Variants in ZCCHC4 observed in about 807,000 individuals in gnomAD.
ZCCHC4 encodes rRNA N(6)-adenosine-methyltransferase ZCCHC4.
In ZCCHC4, 54 loss-of-function variants were observed where a neutral mutation model predicts 67.7. That is an observed-to-expected ratio of 0.80 (90% CI 0.64 to 1.00). ZCCHC4 has a LOEUF of 1.00. ZCCHC4 is among the 50% of genes least tolerant of loss of function. The pLI is 0.00. For missense variants in ZCCHC4, 609 were observed against 617.0 expected (o/e 0.99, Z 0.14); for synonymous variants, 198 against 213.5 (o/e 0.93, Z 0.63).
At chr4:25,319,241 T>TG (rs1460150072) in intron 3 of ZCCHC4, among the ~76,000 whole-genome samples, 2 of 151,630 alleles carry the variant, frequency 1.3e-5, no homozygotes, top group African/African-American at 4.8e-5. Flanking sequence ...TAAAATTAGC[T>TG]GGGCGTGGTG....
At chr4:25,334,960 C>T (rs1414583500) in intron 5 of ZCCHC4, among the ~76,000 whole-genome samples, 2 of 152,026 alleles carry the variant, frequency 1.3e-5, no homozygotes, top group African/African-American at 4.8e-5. Context: ...ACCTCAGTCC[C>T]CCTAGTAGCT....
chr4:25,330,684 C>G (rs1379981512), intron 3 of ZCCHC4, among the ~76,000 whole-genome samples: 1 of 152,192 alleles, frequency 6.6e-6, no homozygotes, highest in Non-Finnish European at 1.5e-5. Flanking sequence ...ACTGAGCAAC[C>G]TTTCGTGGTT....
intron 12 of ZCCHC4, 173 bp downstream of exon 12, chr4:25,365,339 G>A: frequency 7.1e-7 from 1 of 1,401,990 alleles, no homozygotes; most frequent in Admixed American, 3.0e-5. Context: ...GATTCAAAGA[G>A]CTTGCTTTCA....
intron 2 of ZCCHC4, among the ~76,000 whole-genome samples, chr4:25,314,965 T>C (rs530052565): frequency 3.3e-5 from 5 of 152,352 alleles, no homozygotes; most frequent in African/African-American, 1.2e-4. Context: ...AGTTGAAGTT[T>C]CTGAAAACTT....
intron 3 of ZCCHC4, among the ~76,000 whole-genome samples, chr4:25,324,014 G>GTTTTTTTTTTTT (rs71188998): frequency 0.02 from 1,641 of 82,284 alleles, 250 homozygotes; most frequent in African/African-American, 0.052. Context: ...TGTTTTTTGT[G>GTTTTTTTTTTTT]TTTTTTTTTT....
At chr4:25,329,517 G>A (rs939531948) in intron 3 of ZCCHC4, among the ~76,000 whole-genome samples, 3 of 141,012 alleles carry the variant, frequency 2.1e-5, no homozygotes, top group Non-Finnish European at 4.6e-5. Flanking sequence ...TGTAGATTTC[G>A]TCTTTTTATA....
At position 25,315,375 on chromosome 4, in the gene ZCCHC4, CT is replaced by C. The variant is rs1718202219; in HGVS notation, c.305del (p.Leu102ArgfsTer11). On this transcript the variant is annotated frameshift_variant, in exon 3 of 13. Coordinates refer to ENST00000302874, the MANE Select transcript of ZCCHC4 (RefSeq NM_024936.3). LOFTEE classifies it high-confidence loss of function. ...TCATAACCGAAGATGTCAGCCTCCC[CT>C]GTCCCGAACGCAGTGTGTGGAAAGG... ...EAHNRRCQPP[L>X]SRTQCVERYL... 1.9e-6 allele frequency: 3 copies of C among 1,613,036 alleles called. No homozygotes were observed. Among genetic ancestry groups the C allele is most frequent in the South Asian group, 1.1e-5 (1 of 90,934 alleles).
At chr4:25,338,960 A>G (rs1719601677) in intron 5 of ZCCHC4, among the ~76,000 whole-genome samples, 1 of 152,144 alleles carries the variant, frequency 6.6e-6, no homozygotes, top group Non-Finnish European at 1.5e-5. Context: ...TGTGGCTTAA[A>G]CAACAGAAAT....
intron 5 of ZCCHC4, among the ~76,000 whole-genome samples, chr4:25,334,413 A>G (rs751230350): frequency 2.0e-4 from 31 of 152,218 alleles, no homozygotes; most frequent in Non-Finnish European, 4.0e-4. Context: ...GATGTTGTAC[A>G]TATTGTCTTT....
At chr4:25,366,083 C>G (rs1720932760) in intron 12 of ZCCHC4, 1 of 973,304 alleles carries the variant, frequency 1.0e-6, no homozygotes, top group East Asian at 1.1e-4. Flanking sequence ...TTAGAAATAT[C>G]TGATAGTTTA....
intron 4 of ZCCHC4, 142 bp from the exon 5 acceptor site, chr4:25,333,766 G>A (rs1310967437): frequency 2.9e-6 from 2 of 678,972 alleles, no homozygotes; most frequent in African/African-American, 3.7e-5. Flanking sequence ...TTGAAACCTT[G>A]ATTATACCTG....
rs1360981965 is a variant in ZCCHC4 at position 25,359,601 on chromosome 4, A to C, written c.1012-2258A>C. On this transcript the variant is annotated intron_variant, in intron 8 of 12. Coordinates refer to ENST00000302874, the MANE Select transcript of ZCCHC4 (RefSeq NM_024936.3). The surrounding 1 kb of genome is among the most constrained non-coding windows in gnomAD (Gnocchi z 4.9). Reference sequence around the variant, plus strand: ...GCAGGGGTGCCCCCAATGGGAGAAAAGGGGGTCCCAATGAGTGACATGCTC... The same window carrying C: ...GCAGGGGTGCCCCCAATGGGAGAAACGGGGGTCCCAATGAGTGACATGCTC... Among the ~76,000 whole-genome samples the C allele has an allele frequency of 6.6e-6, 1 of 152,186 alleles. No homozygotes were observed. The highest frequency in any genetic ancestry group is 2.4e-5 in the African/African-American group (1 of 41,450).
At chr4:25,364,929 G>A (rs560250681) in intron 11 of ZCCHC4, 93 bp from the exon 12 acceptor site, 3 of 1,542,398 alleles carry the variant, frequency 1.9e-6, no homozygotes, top group South Asian at 1.2e-5. Context: ...AATACTTCAA[G>A]TAAACACTGT....
At chr4:25,341,263 G>A (rs1292832589) in intron 5 of ZCCHC4, among the ~76,000 whole-genome samples, 1 of 152,162 alleles carries the variant, frequency 6.6e-6, no homozygotes, top group Non-Finnish European at 1.5e-5. Context: ...GATATGGTTT[G>A]GAGTTGATAT....
chr4:25,361,922 C>T lies in ZCCHC4; in HGVS notation c.1075C>T (p.Arg359Cys), dbSNP rs367583475. The change falls in exon 9 of 13, where the codon CGT becomes TGT. Residue 359 changes from arginine (R) to cysteine (C), a missense_variant. Physicochemically the swap from Arg to Cys is radical, Grantham distance 180. Coordinates refer to ENST00000302874, the MANE Select transcript of ZCCHC4 (RefSeq NM_024936.3). ...GKTGRKQSPV[R>C]IFTNIPPNKI... Reference sequence around the variant, plus strand: ...GACAGGTCGAAAACAGTCTCCCGTGCGTATTTTCACCAACATTCCGCCCAA... The same window carrying T: ...GACAGGTCGAAAACAGTCTCCCGTGTGTATTTTCACCAACATTCCGCCCAA... 3 of 1,613,772 alleles carry T rather than the reference C, an allele frequency of 1.9e-6. No individual in the cohort carries two copies. The highest frequency in any genetic ancestry group is 1.3e-5 in the African/African-American group (1 of 74,912).
At chr4:25,368,911 A>T (rs1352397747) in intron 12 of ZCCHC4, 118 bp from the exon 13 acceptor site, 2 of 1,228,766 alleles carry the variant, frequency 1.6e-6, no homozygotes, top group Non-Finnish European at 2.2e-6. Context: ...CTTGCAATAC[A>T]GTAGATTCTT....
At chr4:25,339,345 C>T (rs1033447147) in intron 5 of ZCCHC4, among the ~76,000 whole-genome samples, 2 of 152,146 alleles carry the variant, frequency 1.3e-5, no homozygotes, top group Non-Finnish European at 2.9e-5. Context: ...CTATGTTTAC[C>T]TTCCTGGGGA....
At chr4:25,317,704 C>CAAAAAAGAAA (rs1718333058) in intron 3 of ZCCHC4, among the ~76,000 whole-genome samples, 1 of 72,350 alleles carries the variant, frequency 1.4e-5, no homozygotes, top group African/African-American at 4.9e-5. Flanking sequence ...GACGCTGTCA[C>CAAAAAAGAAA]AAAAAAAAAA....
Position 25,365,138 on chromosome 4 carries a change from A to G in ZCCHC4, c.1378A>G (p.Asn460Asp). 1 of 1,614,104 alleles carries G rather than the reference A, an allele frequency of 6.2e-7. No homozygotes were observed. The highest frequency in any genetic ancestry group is 1.1e-5 in the South Asian group (1 of 91,062). The change falls in exon 12 of 13, where the codon AAC (asparagine) becomes GAC (aspartate). Residue 460 changes from asparagine to aspartate, a missense_variant. Transcript: ENST00000302874. ...GGATCATAAACGCAGTACTTGTCCT[A>G]ACATTGCTACATCTAAGAGAGCTAA... ...ELDHKRSTCP[N>D]IATSKRANKA...
Sources: allele counts gnomAD v4.1 joint callset (sites outside exome capture counted in the v4.1 genomes callset), GRCh38; gene constraint gnomAD v4.1.1; non-coding constraint Gnocchi (gnomAD v3.1); transcripts MANE v1.5; gene names NCBI Gene and HGNC (gene_info 2026-07-23, HGNC 2026-07-21).